BCKDHB: variants seen among roughly 807,000 people sequenced by gnomAD.
BCKDHB encodes branched chain keto acid dehydrogenase E1 subunit beta.
Under a neutral mutation model 48.5 loss-of-function variants are expected in BCKDHB, and 41 were observed. The ratio of observed to expected loss-of-function variants is 0.85; its 90% CI spans 0.66 to 1.10. BCKDHB has a LOEUF of 1.10. Ranked by LOEUF, BCKDHB falls within the 50% of genes least tolerant of loss-of-function variation. The pLI is 0.00. For synonymous variants in BCKDHB, 201 were observed against 174.8 expected (o/e 1.15, Z -1.18); for missense variants, 496 against 494.2 (o/e 1.00, Z -0.03).
the BCKDHB span, among the ~76,000 whole-genome samples, chr6:80,447,581 C>G: frequency 6.6e-6 from 1 of 151,746 alleles, no homozygotes; most frequent in African/African-American, 2.4e-5. Flanking sequence ...TCATCATGTC[C>G]CTAAATTTCT....
chr6:80,166,453 C>T (rs1371345269), intron 3 of BCKDHB, among the ~76,000 whole-genome samples: 5 of 151,952 alleles, frequency 3.3e-5, no homozygotes, highest in East Asian at 3.9e-4. Context: ...GTCAGGAGTT[C>T]GAGACCAGCC....
At chr6:80,230,588 T>C (rs1418414931) in intron 8 of BCKDHB, among the ~76,000 whole-genome samples, 4 of 152,210 alleles carry the variant, frequency 2.6e-5, no homozygotes, top group Non-Finnish European at 4.4e-5. Context: ...ATTATTCAAC[T>C]CTGCCCTTAA....
At chr6:80,264,960 G>T (rs1777453418) in intron 8 of BCKDHB, among the ~76,000 whole-genome samples, 1 of 152,034 alleles carries the variant, frequency 6.6e-6, no homozygotes, top group African/African-American at 2.4e-5. Context: ...CCTGGAAATT[G>T]CTTAACACCA....
intron 9 of BCKDHB, among the ~76,000 whole-genome samples, chr6:80,318,888 A>G (rs1768576345): frequency 6.6e-6 from 1 of 152,186 alleles, no homozygotes; most frequent in Non-Finnish European, 1.5e-5. Context: ...ACACTATTTT[A>G]TAAAAGGGAC....
the BCKDHB span, among the ~76,000 whole-genome samples, chr6:80,371,377 A>C: frequency 1.3e-5 from 2 of 151,918 alleles, no homozygotes; most frequent in African/African-American, 4.8e-5. Flanking sequence ...TTGTAGAGTC[A>C]GGATATTAAT....
chr6:80,122,406 A>T (rs908423503), intron 1 of BCKDHB, among the ~76,000 whole-genome samples: 3 of 152,290 alleles, frequency 2.0e-5, no homozygotes, highest in Admixed American at 1.3e-4. Context: ...TATTGATTGG[A>T]ATAGTTCCAG....
At chr6:80,196,831 T>A (rs1774151115) in intron 6 of BCKDHB, among the ~76,000 whole-genome samples, 1 of 130,678 alleles carries the variant, frequency 7.7e-6, no homozygotes, top group Non-Finnish European at 1.8e-5. Context: ...CTTTTGCATG[T>A]ACACGGAAGT....
chr6:80,135,724 A>G (rs2127735324), intron 3 of BCKDHB: 1 of 152,282 alleles, frequency 6.6e-6, no homozygotes, highest in Admixed American at 6.5e-5. Context: ...GTTCAGTGTT[A>G]TTAAGTACAT....
chr6:80,261,527 G>A (rs1411226535), intron 8 of BCKDHB, among the ~76,000 whole-genome samples: 2 of 152,000 alleles, frequency 1.3e-5, no homozygotes, highest in Admixed American at 1.3e-4. Flanking sequence ...ATAGTTTTGA[G>A]GTCTGCTGAA....
the BCKDHB span, among the ~76,000 whole-genome samples, chr6:80,445,111 A>G: frequency 1.3e-5 from 2 of 152,236 alleles, no homozygotes; most frequent in South Asian, 2.1e-4. Context: ...TCTTGTTTAT[A>G]TCTACCTTGG....
the BCKDHB span, among the ~76,000 whole-genome samples, chr6:80,406,741 A>T: frequency 6.6e-6 from 1 of 152,144 alleles, no homozygotes; most frequent in African/African-American, 2.4e-5. Context: ...AGTTCTTTGT[A>T]GATTCTGGAT....
intron 3 of BCKDHB, among the ~76,000 whole-genome samples, chr6:80,134,876 T>A (rs1770807040): frequency 6.6e-6 from 1 of 151,940 alleles, no homozygotes; most frequent in Admixed American, 6.6e-5. Flanking sequence ...CCTCAGCCTC[T>A]GAGTAGCTGG....
the BCKDHB span, among the ~76,000 whole-genome samples, chr6:80,451,595 G>A: frequency 1.3e-5 from 2 of 152,006 alleles, no homozygotes; most frequent in Non-Finnish European, 2.9e-5. Flanking sequence ...AAAATTAGTC[G>A]GGCATGGTGG....
rs1454084236 is a variant in BCKDHB at position 80,260,425 on chromosome 6, T to C, written c.952-12710T>C. ...TGAAACTGGAAACAGACTCTCACTCTTCCAGTAGTATATAAACACACTGGA... is the reference window on the plus strand; with the variant it reads ...TGAAACTGGAAACAGACTCTCACTCCTCCAGTAGTATATAAACACACTGGA... On this transcript the variant is annotated intron_variant, in intron 8 of 9. Coordinates refer to ENST00000320393, the MANE Select transcript of BCKDHB (RefSeq NM_183050.4). 2.6e-5 allele frequency among the ~76,000 whole-genome samples: 4 copies of C among 152,302 alleles called. 1 individual carries two copies. The highest frequency in any genetic ancestry group is 4.1e-4 in the South Asian group (2 of 4,824).
chr6:80,464,472 T>G, the BCKDHB span, among the ~76,000 whole-genome samples: 1 of 152,176 alleles, frequency 6.6e-6, no homozygotes, highest in Non-Finnish European at 1.5e-5. Context: ...CTAATTATTA[T>G]TTGTGAAATA....
chr6:80,427,148 A>G, the BCKDHB span, among the ~76,000 whole-genome samples: 1 of 152,056 alleles, frequency 6.6e-6, no homozygotes, highest in East Asian at 1.9e-4. Context: ...ATCTGAAATT[A>G]ATATAGCTGT....
chr6:80,366,783 A>G, the BCKDHB span, among the ~76,000 whole-genome samples: 722 of 152,298 alleles, frequency 4.7e-3, 5 homozygotes, highest in African/African-American at 0.016. Flanking sequence ...CTCCTTTGGA[A>G]TCTAGCCTAC....
chr6:80,136,209 A>G (rs1770874752), intron 3 of BCKDHB, among the ~76,000 whole-genome samples: 1 of 152,130 alleles, frequency 6.6e-6, no homozygotes, highest in Non-Finnish European at 1.5e-5. Context: ...TCTTTTTTTC[A>G]AAACTTACTG....
chr6:80,261,352 G>C (rs1213599850), intron 8 of BCKDHB, among the ~76,000 whole-genome samples: 1 of 152,060 alleles, frequency 6.6e-6, no homozygotes, highest in Non-Finnish European at 1.5e-5. Context: ...AGAAGGGATG[G>C]AGACAACCAG....
Sources: gnomAD v4.1 joint callset for allele counts (sites outside exome capture counted in the v4.1 genomes callset) on GRCh38, gnomAD v4.1.1 for gene constraint, MANE v1.5 for transcripts, NCBI Gene and HGNC (gene_info 2026-07-23, HGNC 2026-07-21) for gene names.